Variants in WARS1 observed in about 807,000 individuals in gnomAD.
The protein encoded by WARS1 is tryptophanyl-tRNA synthetase 1, also known as tryptophan--tRNA ligase, cytoplasmic.
In WARS1, 17 loss-of-function variants were observed where a neutral mutation model predicts 47.8. That is an observed-to-expected ratio of 0.36 (90% confidence interval 0.24 to 0.53). WARS1 has a LOEUF of 0.53. Among genes scored for constraint, WARS1 ranks in the 20% least tolerant of loss-of-function variants. WARS1 has a pLI of 0.91. For synonymous variants in WARS1, 208 were observed against 228.1 expected (o/e 0.91, Z 0.79); for missense variants, 434 against 608.0 (o/e 0.71, Z 3.01).
At chr14:100,350,687 C>T (rs1247323650) in intron 6 of WARS1, among the ~76,000 whole-genome samples, 1 of 152,196 alleles carries the variant, frequency 6.6e-6, no homozygotes, top group Non-Finnish European at 1.5e-5. Context: ...CTCAGCTTTG[C>T]TTCTGCTGTG....
At chr14:100,371,522 G>A (rs1372097699) in intron 1 of WARS1, among the ~76,000 whole-genome samples, 3 of 149,566 alleles carry the variant, frequency 2.0e-5, no homozygotes, top group Non-Finnish European at 4.5e-5. Flanking sequence ...GGAGGCCAAG[G>A]AGGGTGGATC....
At chr14:100,368,274 A>C (rs1896129804) in intron 2 of WARS1, 1 of 349,910 alleles carries the variant, frequency 2.9e-6, no homozygotes, top group Non-Finnish European at 5.7e-6. Context: ...GAGAAAACAA[A>C]AGCTGGGCGA....
intron 7 of WARS1, among the ~76,000 whole-genome samples, chr14:100,343,723 G>C (rs575952272): frequency 6.6e-6 from 1 of 151,802 alleles, no homozygotes; most frequent in Admixed American, 6.6e-5. Flanking sequence ...CGCTACCTCT[G>C]CCTCCTGGGG....
intron 2 of WARS1, chr14:100,366,178 G>A (rs1162844038): frequency 4.5e-6 from 2 of 449,302 alleles, no homozygotes; most frequent in Admixed American, 2.4e-5. Context: ...GAGCTTCGGG[G>A]AAGGATCCCA....
At chr14:100,336,825 A>G in intron 10 of WARS1, 1 of 461,112 alleles carries the variant, frequency 2.2e-6, no homozygotes, top group Non-Finnish European at 3.9e-6. Context: ...ATAAAGCAAG[A>G]CTGTTTTGGG....
At chr14:100,343,201 T>TC in intron 8 of WARS1, 74 bp downstream of exon 8, 1 of 1,300,084 alleles carries the variant, frequency 7.7e-7, no homozygotes, top group Non-Finnish European at 1.1e-6. Flanking sequence ...TCAATACCTC[T>TC]CCCCGCTGAA....
At position 100,367,456 on chromosome 14, in the gene WARS1, C is replaced by T. The variant is rs146328921; in HGVS notation, c.99+1631G>A. On this transcript the variant is annotated intron_variant, in intron 2 of 10. Transcript: ENST00000392882. Reference sequence around the variant, plus strand: ...TACAAAAATTAGCCTGGTATGGTGGCGGATGCCTGTAATCCCAGCTACTTG... The same window carrying T: ...TACAAAAATTAGCCTGGTATGGTGGTGGATGCCTGTAATCCCAGCTACTTG... Among the ~76,000 whole-genome samples, 949 of 151,590 alleles carry T rather than the reference C, an allele frequency of 6.3e-3. 6 individuals carry two copies. Among genetic ancestry groups the T allele is most frequent in the Middle Eastern group, 0.01 (3 of 294 alleles).
At chr14:100,339,551 A>G (rs2139898786) in intron 9 of WARS1, among the ~76,000 whole-genome samples, 1 of 134,112 alleles carries the variant, frequency 7.5e-6, no homozygotes, top group African/African-American at 2.7e-5. Flanking sequence ...AGATTGTGCC[A>G]CTGCACTCCA....
At chr14:100,336,148 T>C (rs10142340) in intron 10 of WARS1, among the ~76,000 whole-genome samples, 104,465 of 151,184 alleles carry the variant, frequency 0.69, 37,238 homozygotes, top group Admixed American at 0.81. Context: ...TGGTGGCGGG[T>C]GCCTGTAGTC....
Position 100,369,173 on chromosome 14 carries a change from C to G in WARS1, c.13G>C (p.Glu5Gln). The G allele has an allele frequency of 1.4e-6, 2 of 1,456,686 alleles. No homozygotes were observed. The highest frequency in any genetic ancestry group is 1.9e-6 in the Non-Finnish European group (2 of 1,080,114). 90.2% of individuals were successfully genotyped at this position (1,456,686 alleles called of 1,614,324 possible). The change falls in exon 2 of 11, where the codon GAG becomes CAG. Residue 5 changes from glutamate (E) to glutamine (Q), a missense_variant. This residue lies in a region of WARS1 where 87 missense variants were observed against 84.2 expected (regional missense o/e 1.03). Coordinates refer to ENST00000392882, the MANE Select transcript of WARS1 (RefSeq NM_004184.4). ...AACAGCTCCAGCAGAGATGCGGGCT[C>G]ACTGTTGGGCATGTTTGCTATCTCT... Reference protein sequence around the residue: MPNSEPASLLELFNS... With the variant: MPNSQPASLLELFNS...
chr14:100,342,931 C>T (rs1254181269), intron 8 of WARS1, among the ~76,000 whole-genome samples: 5 of 152,048 alleles, frequency 3.3e-5, no homozygotes, highest in Non-Finnish European at 7.4e-5. Flanking sequence ...CAGAGCCTTG[C>T]TCTGTCGCCC....
chr14:100,338,676 C>T (rs1223935062), intron 9 of WARS1, among the ~76,000 whole-genome samples: 2 of 146,660 alleles, frequency 1.4e-5, no homozygotes, highest in African/African-American at 5.1e-5. Flanking sequence ...TCAGGTGATT[C>T]GCCTGCCTTG....
rs1460435527 is a variant in WARS1, at chr14:100,353,698, C to A, written c.714G>T (p.Leu238=). ...DINKTFIFSD[L]DYMGMSSGFY... ...CGTTTTCTCCTTACCCCATGTAGTC[C>A]AGGTCAGAGAATATGAAAGTCTTGT... Residue 238 remains leucine, a synonymous_variant, in exon 6 of 11, where the codon CTG becomes CTT. Transcript: ENST00000392882. 6.2e-7 allele frequency: 1 copy of A among 1,614,110 alleles called. No homozygotes were observed. Among genetic ancestry groups the A allele is most frequent in the Admixed American group, 1.7e-5 (1 of 60,006 alleles).
Position 100,361,934 on chromosome 14 carries a change from A to G in WARS1, c.100-13T>C. 1.2e-6 allele frequency: 2 copies of G among 1,613,290 alleles called. No homozygotes were observed. The highest frequency in any genetic ancestry group is 1.3e-5 in the African/African-American group (1 of 75,040). On this transcript the variant is annotated splice_polypyrimidine_tract_variant and intron_variant, in intron 2 of 10. Transcript: ENST00000392882. ...AATCAATTTCATCCTGAGAGAGGAAATAAAAGGGATGGCTAAAAGTATTAC... is the reference window on the plus strand; with the variant it reads ...AATCAATTTCATCCTGAGAGAGGAAGTAAAAGGGATGGCTAAAAGTATTAC...
intron 7 of WARS1, among the ~76,000 whole-genome samples, chr14:100,344,254 C>T (rs938661985): frequency 1.1e-4 from 17 of 152,082 alleles, no homozygotes; most frequent in Admixed American, 7.9e-4. Context: ...GACTGGTTTT[C>T]GGATTTTTTT....
At position 100,353,691 on chromosome 14, in the gene WARS1, T is replaced by C. The variant is rs1895138471; in HGVS notation, c.721A>G (p.Met241Val). 1 of 1,614,108 alleles carries C rather than the reference T, an allele frequency of 6.2e-7. No homozygotes were observed. The highest frequency in any genetic ancestry group is 8.5e-7 in the Non-Finnish European group (1 of 1,179,982). ...KTFIFSDLDY[M>V]GMSSGFYKNV... The stretch of plus-strand genomic sequence containing the variant: ...AGCCAGACGTTTTCTCCTTACCCCA[T>C]GTAGTCCAGGTCAGAGAATATGAAA... Residue 241 changes from methionine (M) to valine (V), a missense_variant, in exon 6 of 11, where the codon ATG becomes GTG. Physicochemically the swap from Met to Val is conservative, Grantham distance 21. Around this residue, in one of 2 missense-constraint regions of WARS1, gnomAD observed 347 missense variants for 523.8 expected, o/e 0.66. Coordinates refer to ENST00000392882, the MANE Select transcript of WARS1 (RefSeq NM_004184.4).
intron 1 of WARS1, among the ~76,000 whole-genome samples, chr14:100,374,456 C>G (rs1020662541): frequency 6.6e-6 from 1 of 152,208 alleles, no homozygotes; most frequent in Non-Finnish European, 1.5e-5. Flanking sequence ...ATCTTGTGCT[C>G]ATTCTGAAAG....
chr14:100,361,345 C>T (rs1895649588), intron 3 of WARS1, among the ~76,000 whole-genome samples: 1 of 152,192 alleles, frequency 6.6e-6, no homozygotes, highest in South Asian at 2.1e-4. Flanking sequence ...GGTCCATAGT[C>T]AGTATCACTG....
intron 9 of WARS1, among the ~76,000 whole-genome samples, chr14:100,339,590 CA>C (rs386382322): frequency 1.0e-3 from 80 of 78,650 alleles, no homozygotes; most frequent in African/African-American, 3.9e-3. Context: ...GACTCCGTCT[CA>C]AAAAAAAAAA....
Sources: gnomAD v4.1 joint callset for allele counts (sites outside exome capture counted in the v4.1 genomes callset) on GRCh38, gnomAD v4.1.1 for gene constraint, gnomAD v4.1.1 regional missense constraint, MANE v1.5 for transcripts, NCBI Gene and HGNC (gene_info 2026-07-23, HGNC 2026-07-21) for gene names.